The following ZBTB7C variants were observed in gnomAD, a reference collection of about 807,000 sequenced individuals.
ZBTB7C encodes zinc finger and BTB domain-containing protein 7C.
ZBTB7C carries 8 observed loss-of-function variants against 25.7 expected under a neutral mutation model. That is an observed-to-expected ratio of 0.31 (90% CI 0.18 to 0.56). The LOEUF (loss-of-function observed/expected upper bound fraction) is 0.56. Among genes scored for constraint, ZBTB7C ranks in the 20% least tolerant of loss-of-function variants. The pLI, the probability that ZBTB7C is intolerant of heterozygous loss-of-function variation, is 0.91. For synonymous variants in ZBTB7C, 394 were observed against 369.0 expected, an observed-to-expected ratio of 1.07 and a Z score of -0.78; for missense variants, 824 against 855.2, an observed-to-expected ratio of 0.96 and a Z score of 0.46.
At chr18:48,389,762 G>A (rs2047854939) in intron 1 of ZBTB7C, among the ~76,000 whole-genome samples, 1 of 152,192 alleles carries the variant, frequency 6.6e-6, no homozygotes, top group Non-Finnish European at 1.5e-5. Flanking sequence ...ACGCTCAGAG[G>A]AAAGTGAGCA....
intron 3 of ZBTB7C, chr18:48,185,243 T>A: frequency 2.5e-6 from 1 of 395,420 alleles, no homozygotes; most frequent in South Asian, 2.0e-5. Flanking sequence ...AAGCCTCTCC[T>A]TCTCCAGGAA....
At chr18:48,380,316 T>G (rs992341215) in intron 1 of ZBTB7C, among the ~76,000 whole-genome samples, 1 of 152,132 alleles carries the variant, frequency 6.6e-6, no homozygotes, top group Non-Finnish European at 1.5e-5. Flanking sequence ...GCTACATGCG[T>G]ATATGGGAAT....
At chr18:48,170,009 C>G (rs1035979095) in intron 3 of ZBTB7C, 2 of 152,258 alleles carry the variant, frequency 1.3e-5, no homozygotes, top group Non-Finnish European at 2.9e-5. Flanking sequence ...CTCTCCTGAC[C>G]TAACAGAAAC....
intron 2 of ZBTB7C, among the ~76,000 whole-genome samples, chr18:48,267,257 C>G (rs544622426): frequency 2.4e-4 from 36 of 152,352 alleles, no homozygotes; most frequent in African/African-American, 8.2e-4. Context: ...GGCCTTCCCA[C>G]TGTCATCACT....
chr18:48,184,856 CCTCT>C (rs2042017520), intron 3 of ZBTB7C, among the ~76,000 whole-genome samples: 1 of 150,828 alleles, frequency 6.6e-6, no homozygotes, highest in Non-Finnish European at 1.5e-5. Context: ...TTTCTCATTC[CCTCT>C]CTCTCTCTGA....
intron 1 of ZBTB7C, among the ~76,000 whole-genome samples, chr18:48,385,820 G>A (rs1166747346): frequency 1.3e-5 from 2 of 152,142 alleles, no homozygotes; most frequent in Non-Finnish European, 2.9e-5. Context: ...CCCACACGAC[G>A]TGCTGCTGGC....
chr18:48,191,246 C>T (rs1408508556), intron 2 of ZBTB7C, among the ~76,000 whole-genome samples: 1 of 152,108 alleles, frequency 6.6e-6, no homozygotes, highest in African/African-American at 2.4e-5. Context: ...GGGAGGATGG[C>T]CAGGTCATGG....
intron 3 of ZBTB7C, among the ~76,000 whole-genome samples, chr18:48,159,373 G>A (rs371497755): frequency 6.6e-6 from 1 of 152,164 alleles, no homozygotes; most frequent in Non-Finnish European, 1.5e-5. Context: ...ATTCAATAAA[G>A]TAATACTTAC....
intron 2 of ZBTB7C, among the ~76,000 whole-genome samples, chr18:48,198,434 C>T (rs981311471): frequency 2.6e-5 from 4 of 152,170 alleles, no homozygotes; most frequent in African/African-American, 7.2e-5. Context: ...TTCTGGAAGT[C>T]GGCAGTTGGG....
At chr18:48,148,772 G>A (rs936461849) in intron 3 of ZBTB7C, 5 of 152,170 alleles carry the variant, frequency 3.3e-5, no homozygotes, top group African/African-American at 1.2e-4. Flanking sequence ...ATTTAAAAAG[G>A]CCTATGTGAT....
At chr18:48,046,159 C>G (rs1159691598) in intron 3 of ZBTB7C, among the ~76,000 whole-genome samples, 1 of 152,208 alleles carries the variant, frequency 6.6e-6, no homozygotes, top group Admixed American at 6.5e-5. Flanking sequence ...CACTTTAAGC[C>G]ACTACATTTT....
At chr18:48,317,159 G>C (rs777625730) in intron 2 of ZBTB7C, among the ~76,000 whole-genome samples, 10 of 149,864 alleles carry the variant, frequency 6.7e-5, no homozygotes, top group Non-Finnish European at 1.3e-4. Flanking sequence ...TGTAATCCCA[G>C]CTACTCAGGA....
chr18:48,409,693 G>A (rs1479795946), upstream of ZBTB7C, among the ~76,000 whole-genome samples: 2 of 151,986 alleles, frequency 1.3e-5, no homozygotes, highest in Non-Finnish European at 2.9e-5. Context: ...GGGCGCCCGG[G>A]ACTGGCGGAG....
chr18:48,275,259 A>G (rs945794093), intron 2 of ZBTB7C, among the ~76,000 whole-genome samples: 3 of 152,158 alleles, frequency 2.0e-5, no homozygotes, highest in Admixed American at 6.5e-5. Context: ...TTCTTCCTCT[A>G]CTTATGGTTT....
chr18:48,218,572 G>T (rs1174035556), intron 2 of ZBTB7C, among the ~76,000 whole-genome samples: 2 of 152,216 alleles, frequency 1.3e-5, no homozygotes, highest in Admixed American at 1.3e-4. Flanking sequence ...CTTGAAAGCA[G>T]GGGCCTGGTT....
chr18:48,189,661 G>A (rs1014795730), intron 2 of ZBTB7C, among the ~76,000 whole-genome samples: 2 of 152,136 alleles, frequency 1.3e-5, no homozygotes, highest in African/African-American at 4.8e-5. Flanking sequence ...GGATAGATAC[G>A]GCATAAGTTC....
At chr18:48,071,563 G>T (rs978493220) in intron 3 of ZBTB7C, among the ~76,000 whole-genome samples, 1 of 152,228 alleles carries the variant, frequency 6.6e-6, no homozygotes, top group Non-Finnish European at 1.5e-5. Context: ...TGCTGCAGCT[G>T]CTGTGGCAAA....
At chr18:48,033,934 TC>T (rs751914458) in intron 4 of ZBTB7C, among the ~76,000 whole-genome samples, 14 of 152,118 alleles carry the variant, frequency 9.2e-5, no homozygotes, top group Non-Finnish European at 2.1e-4. Context: ...TTGGGCTGCA[TC>T]CTTGGGGCCT....
chr18:48,379,986 G>C (rs2047599939), intron 1 of ZBTB7C, among the ~76,000 whole-genome samples: 1 of 152,160 alleles, frequency 6.6e-6, no homozygotes. Context: ...TACTGTAACA[G>C]TGAATATAAG....
Sources: gnomAD v4.1 joint callset for allele counts (sites outside exome capture counted in the v4.1 genomes callset) on GRCh38, gnomAD v4.1.1 for gene constraint, MANE v1.5 for transcripts, NCBI Gene and HGNC (gene_info 2026-07-23, HGNC 2026-07-21) for gene names.